Variants in PYCR1 observed in about 807,000 individuals in gnomAD.
The protein encoded by PYCR1 is pyrroline-5-carboxylate reductase 1, also known as pyrroline-5-carboxylate reductase 1, mitochondrial.
A neutral mutation model predicts 22.9 loss-of-function variants in PYCR1; 19 were observed. The ratio of observed to expected loss-of-function variants is 0.83; its 90% confidence interval spans 0.58 to 1.22. The LOEUF (loss-of-function observed/expected upper bound fraction) is 1.22. Ranked by LOEUF, PYCR1 falls within the 50% of genes most tolerant of loss-of-function variation. The pLI, the probability that PYCR1 is intolerant of heterozygous loss-of-function variation, is 0.00. For synonymous variants in PYCR1, 175 were observed against 180.5 expected, an observed-to-expected ratio of 0.97 and a Z score of 0.24; for missense variants, 429 against 431.3, an observed-to-expected ratio of 0.99 and a Z score of 0.05.
At chr17:81,935,596 T>TTATG in intron 2 of PYCR1, 80 bp from the exon 3 acceptor site, 1 of 874,402 alleles carries the variant, frequency 1.1e-6, no homozygotes, top group Non-Finnish European at 1.7e-6. Flanking sequence ...ACAGGTAGAA[T>TTATG]GGCACAGAGA....
In PYCR1 at chr17:81,933,150, C is replaced by T. The variant is rs1232739540; in HGVS notation, c.*64G>A. The T allele has an allele frequency of 4.3e-6, 7 of 1,609,408 alleles. No homozygotes were observed. In the African/African-American group the frequency reaches 9.3e-5, roughly 21 times the overall value. ...CAGAAAGTGGGCCACTTTGGGGACC[C>T]CCTAGTCCCCCTAGTGACAAGAGAA... On this transcript the variant is annotated 3_prime_UTR_variant, in exon 7 of 7. Coordinates refer to ENST00000329875, the MANE Select transcript of PYCR1 (RefSeq NM_006907.4).
chr17:81,937,293 G>T lies in PYCR1; in HGVS notation c.-479C>A. On this transcript the variant is annotated 5_prime_UTR_variant, in exon 1 of 7. Transcript: ENST00000329875. ...GCGCTGCGGCCGCCACGCGGCACCC[G>T]CACCCAGGCCCCGCCCCCGTCGCGC... is the stretch of plus-strand genomic sequence containing the variant. 2 of 1,098,064 alleles carry T rather than the reference G, an allele frequency of 1.8e-6. No homozygotes were observed. Among genetic ancestry groups the T allele is most frequent in the Non-Finnish European group, 1.2e-6 (1 of 863,478 alleles). 68.0% of individuals were successfully genotyped at this position (1,098,064 alleles called of 1,614,324 possible).
Position 81,936,785 on chromosome 17 carries a change from C to T in PYCR1, c.30G>A (p.Gln10=), listed in dbSNP as rs1057523574. The T allele has an allele frequency of 1.2e-6, 2 of 1,610,488 alleles. No individual in the cohort carries two copies. Among genetic ancestry groups the T allele is most frequent in the Non-Finnish European group, 8.5e-7 (1 of 1,179,174 alleles). Residue 10 remains glutamine (Q), a synonymous_variant, in exon 1 of 7, where the codon CAG becomes CAA. Coordinates refer to ENST00000329875, the MANE Select transcript of PYCR1 (RefSeq NM_006907.4). MSVGFIGAG[Q]LAFALAKGFT... is the part of the protein sequence containing the mutation. ...AGCCCTTGGCCAGGGCAAAAGCCAG[C>T]TGGCCAGCGCCGATGAAGCCCACGC... is the stretch of plus-strand genomic sequence containing the variant.
Position 81,937,025 on chromosome 17 carries a change from G to C in PYCR1, c.-211C>G. 1 of 1,457,382 alleles carries C rather than the reference G, an allele frequency of 6.9e-7. No homozygotes were observed. Among genetic ancestry groups the C allele is most frequent in the Non-Finnish European group, 9.0e-7 (1 of 1,106,008 alleles). 90.3% of individuals were successfully genotyped at this position (1,457,382 alleles called of 1,614,324 possible). On this transcript the variant is annotated 5_prime_UTR_variant, in exon 1 of 7. Transcript: ENST00000329875. ...CTTCGGGGCCCCCAGTCAGAGCGGC[G>C]GTGCCTGGCCTGCTGCCTAGGGTCC...
rs373615383 is a variant in PYCR1 at position 81,936,097 on chromosome 17, C to T, written c.138+26G>A. The T allele has an allele frequency of 5.0e-6, 8 of 1,612,076 alleles. No individual in the cohort carries two copies. In the Admixed American group the frequency reaches 5.0e-5, roughly 10 times the overall value. On this transcript the variant is annotated intron_variant, in intron 2 of 6. Transcript: ENST00000329875. ...ACCCAGCCCCACAGGGACTCAGTCT[C>T]CTTTCTCCCTTTCATCTGCACCTAC... is the stretch of plus-strand genomic sequence containing the variant.
chr17:81,933,414 C>A, intron 6 of PYCR1, 38 bp from the exon 7 acceptor site: 1 of 1,610,696 alleles, frequency 6.2e-7, no homozygotes, highest in Non-Finnish European at 8.5e-7. Context: ...GGAGCACAAG[C>A]GTGCACCCAG....
chr17:81,935,780 C>T (rs2143891226), intron 2 of PYCR1, among the ~76,000 whole-genome samples: 1 of 152,346 alleles, frequency 6.6e-6, no homozygotes, highest in East Asian at 1.9e-4. Context: ...GACTGCCGTC[C>T]TCCAGACCGG....
chr17:81,934,958 C>T lies in PYCR1; in HGVS notation c.508G>A (p.Val170Ile), dbSNP rs199585131. Residue 170 changes from valine (V) to isoleucine (I), a missense_variant, in exon 4 of 7, where the codon GTC becomes ATC. Val to Ile is a conservative substitution (Grantham distance 29). Transcript: ENST00000329875. ...TEVEEDLIDA[V>I]TGLSGSGPAY... ...GGGCCGCTGCCACTGAGCCCCGTGA[C>T]GGCATCAATCAGGTCCTCTTCCACC... The T allele has an allele frequency of 3.7e-4, 596 of 1,609,342 alleles. No individual in the cohort carries two copies. Among genetic ancestry groups the T allele is most frequent in the Non-Finnish European group, 4.8e-4 (562 of 1,179,982 alleles).
In PYCR1 at chr17:81,932,922, G is replaced by A; in HGVS notation, c.*292C>T. ...CCAGCTGATACTGGAGTAGGAGTGG[G>A]TGAAGACCCTCCGGGCTCCCGAGCT... On this transcript the variant is annotated 3_prime_UTR_variant, in exon 7 of 7. Transcript: ENST00000329875. 6.2e-7 allele frequency: 1 copy of A among 1,612,112 alleles called. No homozygotes were observed. The highest frequency in any genetic ancestry group is 8.5e-7 in the Non-Finnish European group (1 of 1,179,564).
intron 2 of PYCR1, among the ~76,000 whole-genome samples, chr17:81,935,858 C>T (rs1273447092): frequency 6.6e-6 from 1 of 152,176 alleles, no homozygotes; most frequent in African/African-American, 2.4e-5. Context: ...AGGCTGTGGC[C>T]CCACCTGCCA....
chr17:81,935,030 C>T lies in PYCR1; in HGVS notation c.436G>A (p.Gly146Arg), dbSNP rs748476036. 1.4e-5 allele frequency: 23 copies of T among 1,610,434 alleles called. No homozygotes were observed. Among genetic ancestry groups the T allele is most frequent in the South Asian group, 1.2e-4 (11 of 91,014 alleles). ...CTCAGCAGCTGCTCCATGAGCCTCC[C>T]GTCCTCCACCTGGGCGTGCGTGCCT... ...ATGTHAQVED[G>R]RLMEQLLSSV... The change falls in exon 4 of 7, where the codon GGG becomes AGG. Residue 146 changes from glycine (G) to arginine (R), a missense_variant. Gly to Arg is a moderately radical substitution (Grantham distance 125). Transcript: ENST00000329875.
At chr17:81,935,223 G>T in intron 3 of PYCR1, 76 bp from the exon 4 acceptor site, 1 of 1,564,514 alleles carries the variant, frequency 6.4e-7, no homozygotes, top group Non-Finnish European at 8.7e-7. Context: ...AGCAGTGCCC[G>T]AGCTCTCCCA....
chr17:81,933,413 GC>G, intron 6 of PYCR1, 37 bp from the exon 7 acceptor site: 1 of 1,611,152 alleles, frequency 6.2e-7, no homozygotes, highest in Middle Eastern at 1.7e-4. Context: ...TGGAGCACAA[GC>G]GTGCACCCAG....
Position 81,932,610 on chromosome 17 carries a change from C to A in PYCR1, c.*604G>T, listed in dbSNP as rs2041017627. On this transcript the variant is annotated 3_prime_UTR_variant, in exon 7 of 7. Coordinates refer to ENST00000329875, the MANE Select transcript of PYCR1 (RefSeq NM_006907.4). ...GCCAGGACAGAACTGATAGCACCCTCCCAGGGAGGTCAGGAGCAGGAGGTG... is the reference window on the plus strand; with the variant it reads ...GCCAGGACAGAACTGATAGCACCCTACCAGGGAGGTCAGGAGCAGGAGGTG... 7 of 524,418 alleles carry A rather than the reference C, an allele frequency of 1.3e-5. 1 individual carries two copies. Among genetic ancestry groups the A allele is most frequent in the South Asian group, 1.2e-4 (6 of 50,264 alleles). The allele number at this position is 524,418 out of a possible 1,614,324, so 32.5% of individuals were successfully genotyped here.
rs1043574835 is a variant in PYCR1 at position 81,932,587 on chromosome 17, C to T, written c.*627G>A. ...AACCAACTTATAAAACTGAAAGGGCCAGGACAGAACTGATAGCACCCTCCC... is the reference window on the plus strand; with the variant it reads ...AACCAACTTATAAAACTGAAAGGGCTAGGACAGAACTGATAGCACCCTCCC... On this transcript the variant is annotated 3_prime_UTR_variant, in exon 7 of 7. Transcript: ENST00000329875. 2 of 462,040 alleles carry T rather than the reference C, an allele frequency of 4.3e-6. No individual in the cohort carries two copies. The highest frequency in any genetic ancestry group is 8.0e-6 in the Non-Finnish European group (2 of 249,644). 28.6% of individuals were successfully genotyped at this position (462,040 alleles called of 1,614,324 possible).
chr17:81,933,636 G>T (rs539191224), intron 6 of PYCR1, among the ~76,000 whole-genome samples: 2 of 152,310 alleles, frequency 1.3e-5, no homozygotes, highest in South Asian at 4.1e-4. Flanking sequence ...ACGGGATGTG[G>T]GTTTACACCT....
At position 81,933,108 on chromosome 17, in the gene PYCR1, T is replaced by C. The variant is rs949159727; in HGVS notation, c.*106A>G. ...CCTGGCTATGTCCCTGGCTGGCCCC[T>C]GCGCTGATCAGAGCCACAGAAAGTG... On this transcript the variant is annotated 3_prime_UTR_variant, in exon 7 of 7. Coordinates refer to ENST00000329875, the MANE Select transcript of PYCR1 (RefSeq NM_006907.4). The C allele has an allele frequency of 1.2e-6, 2 of 1,600,456 alleles. No homozygotes were observed. The highest frequency in any genetic ancestry group is 1.7e-5 in the Admixed American group (1 of 59,376).
chr17:81,933,426 A>G lies in PYCR1; in HGVS notation c.798-50T>C, dbSNP rs1034976268. 2.5e-6 allele frequency: 4 copies of G among 1,605,996 alleles called. No individual in the cohort carries two copies. In the Admixed American group the frequency reaches 5.1e-5, roughly 20 times the overall value. ...TTTGGAGCACAAGCGTGCACCCAGG[A>G]AGAGGGAGTGAAGCCCACAGCTCCC... On this transcript the variant is annotated intron_variant, in intron 6 of 6. Coordinates refer to ENST00000329875, the MANE Select transcript of PYCR1 (RefSeq NM_006907.4).
rs1341439637 is a variant in PYCR1 at position 81,932,972 on chromosome 17, GT to G, written c.*241del. 1 of 1,609,766 alleles carries G rather than the reference GT, an allele frequency of 6.2e-7. No homozygotes were observed. The highest frequency in any genetic ancestry group is 2.2e-5 in the East Asian group (1 of 44,840). ...TCTAGAGGAAGGTGGTCCTGACATG[GT>G]TTGGGAGCAGAGAAGAAAGGAGGTT... On this transcript the variant is annotated 3_prime_UTR_variant, in exon 7 of 7. Transcript: ENST00000329875.
Sources: gnomAD v4.1 joint callset for allele counts (sites outside exome capture counted in the v4.1 genomes callset) on GRCh38, gnomAD v4.1.1 for gene constraint, MANE v1.5 for transcripts, NCBI Gene and HGNC (gene_info 2026-07-23, HGNC 2026-07-21) for gene names.